Variants in LONP1 observed in about 807,000 individuals in gnomAD.
LONP1 encodes the protein lon peptidase 1, mitochondrial.
A neutral mutation model predicts 98.5 loss-of-function variants in LONP1; 31 were observed. That is an observed-to-expected ratio of 0.31 (90% CI 0.24 to 0.42). LONP1 has a LOEUF of 0.42. Among genes scored for constraint, LONP1 ranks in the 20% least tolerant of loss-of-function variants. LONP1 has a pLI of 1.00. For synonymous variants in LONP1, 781 were observed against 594.7 expected, an observed-to-expected ratio of 1.31 and a Z score of -4.56; for missense variants, 1,336 against 1,350.6, an observed-to-expected ratio of 0.99 and a Z score of 0.17.
intron 12 of LONP1, 37 bp downstream of exon 12, chr19:5,696,212 C>A (rs781150507): frequency 2.5e-6 from 4 of 1,612,662 alleles, no homozygotes; most frequent in Admixed American, 3.3e-5. Flanking sequence ...GCCGCTTACC[C>A]TCCCCAGCAA....
chr19:5,703,257 G>A (rs1169783685), intron 8 of LONP1, among the ~76,000 whole-genome samples: 2 of 152,112 alleles, frequency 1.3e-5, no homozygotes, highest in African/African-American at 4.8e-5. Flanking sequence ...ATGGCCGGAG[G>A]TCCACTGCTG....
chr19:5,699,435 G>A (rs966713011), intron 9 of LONP1, among the ~76,000 whole-genome samples: 3 of 152,112 alleles, frequency 2.0e-5, no homozygotes, highest in Admixed American at 6.6e-5. Flanking sequence ...GGTGCTAGGA[G>A]ACCGCGGCCA....
chr19:5,698,247 C>G (rs901933248), intron 10 of LONP1, among the ~76,000 whole-genome samples: 1 of 152,108 alleles, frequency 6.6e-6, no homozygotes. Flanking sequence ...AGGCCTGAGC[C>G]GGGAGGTCGG....
rs1009370919 is a variant in LONP1, at chr19:5,713,007, G to A, written c.638+127C>T. The A allele has an allele frequency of 3.2e-5, 43 of 1,324,786 alleles. No homozygotes were observed. The Middle Eastern group carries it at 6.8e-4, about 21-fold the overall frequency. 82.1% of individuals were successfully genotyped at this position (1,324,786 alleles called of 1,614,324 possible). On this transcript the variant is annotated intron_variant, in intron 3 of 17. Coordinates refer to ENST00000360614, the MANE Select transcript of LONP1 (RefSeq NM_004793.4). ...ACTCTCACCCCCAGCTCTGGCCTCA[G>A]TGCTAGTGAGAAAGCCGCTGGGCTG...
chr19:5,708,680 G>T, intron 4 of LONP1: 2 of 385,370 alleles, frequency 5.2e-6, no homozygotes. Context: ...TATCTCAGGG[G>T]AAAAAAAGAG....
At chr19:5,710,446 A>G (rs2055219854) in intron 4 of LONP1, among the ~76,000 whole-genome samples, 6 of 151,820 alleles carry the variant, frequency 4.0e-5, no homozygotes, top group Admixed American at 3.9e-4. Flanking sequence ...CCCAGGCTGG[A>G]GTGCAGTGAT....
At chr19:5,716,656 C>A (rs1462525333) in intron 1 of LONP1, among the ~76,000 whole-genome samples, 1 of 151,104 alleles carries the variant, frequency 6.6e-6, no homozygotes, top group South Asian at 2.1e-4. Context: ...AGAGACAGAA[C>A]GCTTGTACCT....
intron 7 of LONP1, among the ~76,000 whole-genome samples, chr19:5,706,426 T>A (rs1031359040): frequency 1.3e-5 from 2 of 152,090 alleles, no homozygotes; most frequent in African/African-American, 2.4e-5. Flanking sequence ...CTGGCCAACA[T>A]GGTGAAACCC....
intron 1 of LONP1, among the ~76,000 whole-genome samples, chr19:5,715,659 AAAAAAAAAAAAAAAAAAAAAG>A (rs2055306430): frequency 3.5e-5 from 4 of 114,818 alleles, no homozygotes; most frequent in South Asian, 6.1e-4. Flanking sequence ...AAAAAAAAAA[AAAAAAAAAAAAAAAAAAAAAG>A]AAAGTTTCAC....
At chr19:5,697,443 C>T (rs1399819718) in intron 10 of LONP1, among the ~76,000 whole-genome samples, 1 of 149,834 alleles carries the variant, frequency 6.7e-6, no homozygotes, top group African/African-American at 2.5e-5. Flanking sequence ...GGCCCTGAAA[C>T]AGGACCACGC....
At chr19:5,720,233 G>C (rs2055420177), upstream of LONP1, 1 of 1,368,708 alleles carries the variant, frequency 7.3e-7, no homozygotes, top group Non-Finnish European at 9.4e-7. Flanking sequence ...TGGGCGCGTG[G>C]CTCGAAACAG....
Position 5,708,361 on chromosome 19 carries a change from C to A in LONP1, c.913G>T (p.Ala305Ser). The A allele has an allele frequency of 7.2e-7, 1 of 1,383,532 alleles. No individual in the cohort carries two copies. Among genetic ancestry groups the A allele is most frequent in the Middle Eastern group, 1.9e-4 (1 of 5,210 alleles). 85.7% of individuals were successfully genotyped at this position (1,383,532 alleles called of 1,614,324 possible). ...EIVKTIRDII[A>S]LNPLYRESVL... Reference sequence around the variant, plus strand: ...GCCCACCTGTAGAGAGGGTTCAAGGCAATGATGTCCCGGATGGTCTTCACG... The same window carrying A: ...GCCCACCTGTAGAGAGGGTTCAAGGAAATGATGTCCCGGATGGTCTTCACG... The change falls in exon 5 of 18, where the codon GCC becomes TCC. Residue 305 changes from alanine (A) to serine (S), a missense_variant. Around this residue, in one of 5 missense-constraint regions of LONP1, gnomAD observed 97 missense variants for 139.0 expected, o/e 0.70. Transcript: ENST00000360614.
rs139554429 is a variant in LONP1, at chr19:5,705,830, C to T, written c.1309G>A (p.Val437Ile). The change falls in exon 8 of 18, where the codon GTT becomes ATT. Residue 437 changes from valine to isoleucine, a missense_variant. This residue lies in a region of LONP1 where 219 missense variants were observed against 241.0 expected (regional missense o/e 0.91). Coordinates refer to ENST00000360614, the MANE Select transcript of LONP1 (RefSeq NM_004793.4). ...ELVVPKHVMD[V>I]VDEELSKLGL... is the part of the protein sequence containing the mutation. ...AGCTTGCTCAGCTCCTCGTCCACAA[C>T]ATCCATGACGTGCTTGGGGACCACG... is the stretch of plus-strand genomic sequence containing the variant. The T allele has an allele frequency of 4.3e-3, 6,936 of 1,614,214 alleles. 27 individuals are homozygous for T. The highest frequency in any genetic ancestry group is 5.0e-3 in the Non-Finnish European group (5,913 of 1,180,048).
rs1217103964 is a variant in LONP1, at chr19:5,711,798, C to T, written c.843G>A (p.Glu281=). ...TCACCTCCTCCGTGACCTGGAAGTC[C>T]TCGTGGACAACGTTCTCTACCTCCA... ...LMVEVENVVH[E]DFQVTEEVKA... The change falls in exon 4 of 18, where the codon GAG becomes GAA. Residue 281 remains glutamate, a synonymous_variant. Transcript: ENST00000360614. The T allele has an allele frequency of 1.2e-6, 2 of 1,611,228 alleles. No homozygotes were observed. The highest frequency in any genetic ancestry group is 1.1e-5 in the South Asian group (1 of 91,046).
chr19:5,699,270 T>C (rs972272951), intron 9 of LONP1, 65 bp from the exon 10 acceptor site: 23 of 1,313,974 alleles, frequency 1.8e-5, no homozygotes, highest in Admixed American at 2.6e-5. Flanking sequence ...CGCATGACTC[T>C]CGCCACCTGC....
At chr19:5,692,835 C>T (rs1045958459) in intron 17 of LONP1, among the ~76,000 whole-genome samples, 8 of 152,130 alleles carry the variant, frequency 5.3e-5, no homozygotes, top group Non-Finnish European at 8.8e-5. Context: ...TGACTGACTG[C>T]ACCAGGCTTC....
rs200551277 is a variant in LONP1 at position 5,692,062 on chromosome 19, C to T, written c.2850G>A (p.Glu950=). The T allele has an allele frequency of 1.9e-6, 3 of 1,613,738 alleles. No homozygotes were observed. The highest frequency in any genetic ancestry group is 2.2e-5 in the East Asian group (1 of 44,894). Residue 950 remains glutamate (E), a synonymous_variant, in exon 18 of 18, where the codon GAG becomes GAA. Transcript: ENST00000360614. The part of the protein sequence containing the change: ...REIFDIAFPD[E]QAEALAVER ...GTTCCACGGCCAGCGCCTCTGCCTG[C>T]TCGTCCGGGAAGGCGATGTCGAAGA...
At chr19:5,697,886 C>T (rs921186507) in intron 10 of LONP1, among the ~76,000 whole-genome samples, 22 of 152,070 alleles carry the variant, frequency 1.4e-4, no homozygotes, top group Admixed American at 3.3e-4. Flanking sequence ...GTCTCTCCTC[C>T]GGCCCGCACC....
At chr19:5,695,224 T>C (rs1218234017) in intron 13 of LONP1, among the ~76,000 whole-genome samples, 5 of 152,100 alleles carry the variant, frequency 3.3e-5, no homozygotes, top group African/African-American at 4.8e-5. Flanking sequence ...GGTGGCTGAC[T>C]GGTTACGTGG....
Sources: allele counts gnomAD v4.1 joint callset (sites outside exome capture counted in the v4.1 genomes callset), GRCh38; gene constraint gnomAD v4.1.1; regional missense constraint gnomAD v4.1.1; transcripts MANE v1.5; gene names NCBI Gene and HGNC (gene_info 2026-07-23, HGNC 2026-07-21).